ARHGAP26: variants seen among roughly 807,000 people sequenced by gnomAD.
ARHGAP26 encodes rho GTPase-activating protein 26.
A neutral mutation model predicts 104.8 loss-of-function variants in ARHGAP26; 38 were observed. The observed-to-expected ratio is 0.36, with a 90% CI of 0.28 to 0.48. The LOEUF is 0.48. Ranked by LOEUF, ARHGAP26 falls within the 20% of genes least tolerant of loss-of-function variation. The pLI is 0.99. For synonymous variants in ARHGAP26, 341 were observed against 340.0 expected (o/e 1.00, Z -0.03); for missense variants, 704 against 947.9 (o/e 0.74, Z 3.38).
chr5:143,046,237 G>C (rs1268861468), intron 14 of ARHGAP26, among the ~76,000 whole-genome samples: 2 of 152,216 alleles, frequency 1.3e-5, no homozygotes, highest in African/African-American at 4.8e-5. Context: ...CCAGGAAGCG[G>C]AGGTTGCAGT....
intron 13 of ARHGAP26, among the ~76,000 whole-genome samples, chr5:143,041,038 C>G (rs1312899228): frequency 6.6e-6 from 1 of 152,178 alleles, no homozygotes; most frequent in Non-Finnish European, 1.5e-5. Context: ...AAATAGGAAG[C>G]TGGAGCTCTA....
At chr5:143,090,826 A>C (rs116546640) in intron 17 of ARHGAP26, among the ~76,000 whole-genome samples, 110 of 152,324 alleles carry the variant, frequency 7.2e-4, no homozygotes, top group African/African-American at 2.6e-3. Flanking sequence ...TTGGGGAGCA[A>C]GACTCCTGGT....
chr5:142,854,183 T>C (rs1172769382), intron 1 of ARHGAP26, among the ~76,000 whole-genome samples: 1 of 152,184 alleles, frequency 6.6e-6, no homozygotes, highest in Non-Finnish European at 1.5e-5. Flanking sequence ...ACCACCACAA[T>C]ATTGGGAGAA....
intron 1 of ARHGAP26, among the ~76,000 whole-genome samples, chr5:142,785,959 A>C (rs899979152): frequency 6.0e-5 from 9 of 150,064 alleles, no homozygotes; most frequent in Admixed American, 6.0e-4. Flanking sequence ...AGGACCAGGG[A>C]GGTGACTGAT....
chr5:143,041,756 A>T, intron 13 of ARHGAP26, 60 bp from the exon 14 acceptor site: 7 of 1,150,954 alleles, frequency 6.1e-6, no homozygotes, highest in Non-Finnish European at 8.8e-6. Flanking sequence ...ATTTGGCTGG[A>T]TTGGCCTGAC....
chr5:142,781,196 G>C (rs1431216926), intron 1 of ARHGAP26, among the ~76,000 whole-genome samples: 2 of 152,176 alleles, frequency 1.3e-5, no homozygotes, highest in Non-Finnish European at 2.9e-5. Context: ...GCCCAAGGGG[G>C]CAGTGTGGTC....
At chr5:143,210,981 A>G (rs1245653387) in intron 21 of ARHGAP26, among the ~76,000 whole-genome samples, 2 of 152,326 alleles carry the variant, frequency 1.3e-5, no homozygotes, top group African/African-American at 4.8e-5. Flanking sequence ...CAAAGAACCA[A>G]TGATGCCTGG....
intron 22 of ARHGAP26, among the ~76,000 whole-genome samples, chr5:143,215,818 C>T (rs1187604363): frequency 6.6e-6 from 1 of 152,178 alleles, no homozygotes; most frequent in Non-Finnish European, 1.5e-5. Context: ...TTTTTATGTG[C>T]GATGGTATGG....
At chr5:143,009,249 G>C (rs13186673) in intron 11 of ARHGAP26, among the ~76,000 whole-genome samples, 1 of 151,994 alleles carries the variant, frequency 6.6e-6, no homozygotes, top group Non-Finnish European at 1.5e-5. Flanking sequence ...TCTTCCTTCC[G>C]GTGATTCACC....
intron 11 of ARHGAP26, among the ~76,000 whole-genome samples, chr5:143,007,374 C>T (rs938315786): frequency 2.6e-5 from 4 of 152,070 alleles, no homozygotes; most frequent in African/African-American, 7.2e-5. Context: ...ATGTCTCAAG[C>T]TGGTTGTGGT....
chr5:143,175,076 CT>C (rs1374252028), intron 20 of ARHGAP26, among the ~76,000 whole-genome samples: 1 of 152,204 alleles, frequency 6.6e-6, no homozygotes, highest in African/African-American at 2.4e-5. Context: ...CTTTAAAAGA[CT>C]TTCTTTTCCC....
intron 8 of ARHGAP26, among the ~76,000 whole-genome samples, chr5:142,904,430 T>C (rs569170599): frequency 3.6e-4 from 55 of 151,572 alleles, no homozygotes; most frequent in African/African-American, 1.2e-3. Flanking sequence ...CCTGTTGAGG[T>C]TTATAAGAGC....
intron 20 of ARHGAP26, among the ~76,000 whole-genome samples, chr5:143,197,773 G>A (rs1358597565): frequency 2.6e-5 from 4 of 152,122 alleles, no homozygotes; most frequent in African/African-American, 9.7e-5. Flanking sequence ...TTGGCATTTA[G>A]GTCTATAATC....
intron 17 of ARHGAP26, among the ~76,000 whole-genome samples, chr5:143,084,776 T>C (rs1790314531): frequency 6.6e-6 from 1 of 152,034 alleles, no homozygotes; most frequent in Non-Finnish European, 1.5e-5. Context: ...CTGGGCGCGG[T>C]GGCTCATGCC....
intron 5 of ARHGAP26, among the ~76,000 whole-genome samples, chr5:142,890,151 A>AATATATATATATATAT (rs752591382): frequency 1.2e-4 from 4 of 32,426 alleles, no homozygotes; most frequent in Non-Finnish European, 1.6e-4. Flanking sequence ...AAAAAAAAAA[A>AATATATATATATATAT]ATATATATAT....
intron 5 of ARHGAP26, among the ~76,000 whole-genome samples, chr5:142,893,522 A>C (rs1043221081): frequency 6.6e-6 from 1 of 152,110 alleles, no homozygotes; most frequent in Non-Finnish European, 1.5e-5. Context: ...GGTTCACTTC[A>C]TATCTTGGCT....
intron 11 of ARHGAP26, among the ~76,000 whole-genome samples, chr5:142,962,766 T>C (rs899287064): frequency 1.3e-5 from 2 of 152,150 alleles, no homozygotes; most frequent in African/African-American, 2.4e-5. Context: ...CACAACTTTT[T>C]CCACAATGAG....
chr5:142,968,479 C>T (rs976092309), intron 11 of ARHGAP26, among the ~76,000 whole-genome samples: 1 of 152,168 alleles, frequency 6.6e-6, no homozygotes, highest in Non-Finnish European at 1.5e-5. Context: ...TAGATATGCT[C>T]ACTCTCAAAA....
At chr5:143,128,674 T>G (rs943413312) in intron 18 of ARHGAP26, among the ~76,000 whole-genome samples, 3 of 152,202 alleles carry the variant, frequency 2.0e-5, no homozygotes, top group Non-Finnish European at 4.4e-5. Context: ...TTGTCTGTCA[T>G]GAGAAGGAGT....
Sources: allele counts gnomAD v4.1 joint callset (sites outside exome capture counted in the v4.1 genomes callset), GRCh38; gene constraint gnomAD v4.1.1; transcripts MANE v1.5; gene names NCBI Gene and HGNC (gene_info 2026-07-23, HGNC 2026-07-21).